The following PFDN4 variants were observed in gnomAD, a reference collection of about 807,000 sequenced individuals.
The protein encoded by PFDN4 is prefoldin 4.
In PFDN4, 6 loss-of-function variants were observed where a neutral mutation model predicts 17.6. The observed-to-expected ratio is 0.34, with a 90% confidence interval of 0.19 to 0.67. PFDN4 has a LOEUF of 0.67. Ranked by LOEUF, PFDN4 falls within the 30% of genes least tolerant of loss-of-function variation. The pLI is 0.68. For missense variants in PFDN4, 119 were observed against 158.4 expected, an observed-to-expected ratio of 0.75 and a Z score of 1.33; for synonymous variants, 48 against 51.1, an observed-to-expected ratio of 0.94 and a Z score of 0.26.
Position 54,212,243 on chromosome 20 carries a change from A to C in PFDN4, c.25-2108A>C, listed in dbSNP as rs1258241135. On this transcript the variant is annotated intron_variant, in intron 1 of 3. Transcript: ENST00000371419. ...CTTCTTGCCAAAATGCAGCTTCAAG[A>C]AATGTAGGAATGTTCTAGGACAGTG... 3.9e-5 allele frequency among the ~76,000 whole-genome samples: 6 copies of C among 152,114 alleles called. No individual in the cohort carries two copies. The East Asian group carries it at 1.2e-3, about 29-fold the overall frequency.
chr20:54,208,944 C>G (rs6127135), intron 1 of PFDN4: 2 of 152,192 alleles, frequency 1.3e-5, no homozygotes, highest in Non-Finnish European at 2.9e-5. Flanking sequence ...CAAAGCACGC[C>G]TGTGTAACCA....
chr20:54,213,103 C>T (rs1430214536), intron 1 of PFDN4, among the ~76,000 whole-genome samples: 4 of 152,138 alleles, frequency 2.6e-5, no homozygotes, highest in African/African-American at 4.8e-5. Flanking sequence ...TACCTTAAGT[C>T]GATGGTCATG....
chr20:54,217,077 C>T (rs1343523163), intron 3 of PFDN4, among the ~76,000 whole-genome samples: 1 of 152,050 alleles, frequency 6.6e-6, no homozygotes. Flanking sequence ...CTGGCCCCTG[C>T]CTGCATGGAG....
At chr20:54,208,164 C>T in intron 1 of PFDN4, 40 bp downstream of exon 1, 1 of 1,511,100 alleles carries the variant, frequency 6.6e-7, no homozygotes, top group South Asian at 1.2e-5. Context: ...TCGGGCGGCG[C>T]CGGATCTCGG....
intron 3 of PFDN4, among the ~76,000 whole-genome samples, chr20:54,216,390 G>C (rs765521371): frequency 6.6e-6 from 1 of 152,126 alleles, no homozygotes; most frequent in South Asian, 2.1e-4. Flanking sequence ...GCAAAACTTC[G>C]TATGAATGAA....
At chr20:54,208,464 G>A (rs935776750) in intron 1 of PFDN4, 7 of 308,114 alleles carry the variant, frequency 2.3e-5, no homozygotes, top group Middle Eastern at 8.8e-4. Flanking sequence ...CGAAGGTCCC[G>A]TTGAGTGTGG....
Position 54,219,960 on chromosome 20 carries a change from C to T in PFDN4, c.*810C>T. On this transcript the variant is annotated 3_prime_UTR_variant, in exon 4 of 4. Transcript: ENST00000371419. Reference sequence around the variant, plus strand: ...AAGGATGCATTTCTTCCCACTCCCCCACAAAAGACAAACATTTTGGGATTT... The same window carrying T: ...AAGGATGCATTTCTTCCCACTCCCCTACAAAAGACAAACATTTTGGGATTT... 1 of 381,652 alleles carries T rather than the reference C, an allele frequency of 2.6e-6. No homozygotes were observed. Among genetic ancestry groups the T allele is most frequent in the East Asian group, 3.7e-5 (1 of 26,756 alleles). 23.6% of individuals were successfully genotyped at this position (381,652 alleles called of 1,614,324 possible).
intron 1 of PFDN4, among the ~76,000 whole-genome samples, chr20:54,210,808 A>G (rs2092754792): frequency 6.6e-6 from 1 of 152,152 alleles, no homozygotes; most frequent in Non-Finnish European, 1.5e-5. Context: ...CTCTTCCTCC[A>G]CCAGGATGTA....
At position 54,215,363 on chromosome 20, in the gene PFDN4, A is replaced by G. The variant is rs569788589; in HGVS notation, c.196A>G (p.Met66Val). Residue 66 changes from methionine (M) to valine (V), a missense_variant, in exon 3 of 4, where the codon ATG (methionine) becomes GTG (valine). This residue lies in a region of PFDN4 where 81 missense variants were observed against 111.7 expected (regional missense o/e 0.73). Transcript: ENST00000371419. Reference sequence around the variant, plus strand: ...CATGCTTGCAGATGATGATTGCTTAATGATACCTTATCAAATTGGTGATGT... The same window carrying G: ...CATGCTTGCAGATGATGATTGCTTAGTGATACCTTATCAAATTGGTGATGT... ...DIMLADDDCL[M>V]IPYQIGDVFI... 8 of 1,605,486 alleles carry G rather than the reference A, an allele frequency of 5.0e-6. No individual in the cohort carries two copies. The Admixed American group carries it at 8.4e-5, about 17-fold the overall frequency.
chr20:54,216,374 T>A (rs542851137), intron 3 of PFDN4, among the ~76,000 whole-genome samples: 1 of 152,314 alleles, frequency 6.6e-6, no homozygotes, highest in South Asian at 2.1e-4. Context: ...TCAAATGTCA[T>A]AAAAAGCAAA....
chr20:54,208,118 G>A lies in PFDN4; in HGVS notation c.18G>A (p.Lys6=), dbSNP rs1219363481. The A allele has an allele frequency of 3.2e-6, 5 of 1,557,900 alleles. No homozygotes were observed. Among genetic ancestry groups the A allele is most frequent in the Non-Finnish European group, 4.3e-6 (5 of 1,151,000 alleles). The part of the protein sequence containing the change: MAATM[K]KAAAEDVNVT... ...GTCCCAAGATGGCGGCCACCATGAA[G>A]AAGGCGGTGAGTGGGGAGCTCGGGG... Residue 6 remains lysine, a synonymous_variant, in exon 1 of 4, where the codon AAG becomes AAA. Coordinates refer to ENST00000371419, the MANE Select transcript of PFDN4 (RefSeq NM_002623.4).
At chr20:54,214,606 T>G in intron 2 of PFDN4, 148 bp downstream of exon 2, 2 of 507,746 alleles carry the variant, frequency 3.9e-6, no homozygotes, top group Non-Finnish European at 7.1e-6. Context: ...AAAGTCATTT[T>G]TTTTTTAAGG....
rs545239865 is a variant in PFDN4, at chr20:54,218,114, A to T, written c.274-905A>T. 5.9e-4 allele frequency among the ~76,000 whole-genome samples: 86 copies of T among 146,550 alleles called. No homozygotes were observed. In the South Asian group the frequency reaches 0.018, roughly 30 times the overall value. On this transcript the variant is annotated intron_variant, in intron 3 of 3. Coordinates refer to ENST00000371419, the MANE Select transcript of PFDN4 (RefSeq NM_002623.4). ...GGGTATTTGGTTTGTGTGATTTCAT[A>T]TTTTTTTGTCATGTTTAGGAAAAAA...
intron 1 of PFDN4, among the ~76,000 whole-genome samples, chr20:54,212,894 G>C (rs993861869): frequency 6.6e-6 from 1 of 152,226 alleles, no homozygotes; most frequent in Admixed American, 6.5e-5. Flanking sequence ...GCATACGGTT[G>C]AACACTCAAA....
intron 1 of PFDN4, among the ~76,000 whole-genome samples, chr20:54,211,842 C>T (rs1219326641): frequency 6.6e-6 from 1 of 152,154 alleles, no homozygotes; most frequent in African/African-American, 2.4e-5. Flanking sequence ...TGCATACAGT[C>T]TCTGGGTATA....
intron 3 of PFDN4, among the ~76,000 whole-genome samples, chr20:54,215,975 C>T (rs2092761927): frequency 6.6e-6 from 1 of 152,194 alleles, no homozygotes; most frequent in Non-Finnish European, 1.5e-5. Flanking sequence ...GGCACACAGG[C>T]CTTTAAAAAC....
chr20:54,211,817 C>T (rs143864076), intron 1 of PFDN4, among the ~76,000 whole-genome samples: 22 of 152,292 alleles, frequency 1.4e-4, no homozygotes, highest in Admixed American at 1.1e-3. Flanking sequence ...GATGCACATA[C>T]TATACATGCC....
chr20:54,210,992 C>T (rs980168440), intron 1 of PFDN4, among the ~76,000 whole-genome samples: 10 of 152,040 alleles, frequency 6.6e-5, no homozygotes, highest in Admixed American at 2.0e-4. Context: ...GGCTGAGGCA[C>T]GAGAATCGCT....
intron 1 of PFDN4, among the ~76,000 whole-genome samples, chr20:54,213,210 C>T (rs1336022538): frequency 6.6e-6 from 1 of 152,192 alleles, no homozygotes; most frequent in African/African-American, 2.4e-5. Flanking sequence ...TATTTTTATA[C>T]ACACACAAAT....
Sources: gnomAD v4.1 joint callset for allele counts (sites outside exome capture counted in the v4.1 genomes callset) on GRCh38, gnomAD v4.1.1 for gene constraint, gnomAD v4.1.1 regional missense constraint, MANE v1.5 for transcripts, NCBI Gene and HGNC (gene_info 2026-07-23, HGNC 2026-07-21) for gene names.